The following ACOX1 variants were observed in gnomAD, a reference collection of about 807,000 sequenced individuals.
ACOX1 encodes peroxisomal acyl-coenzyme A oxidase 1.
A neutral mutation model predicts 75.5 loss-of-function variants in ACOX1; 41 were observed. The ratio of observed to expected loss-of-function variants is 0.54; its 90% CI spans 0.42 to 0.70. The LOEUF is 0.70. ACOX1 is among the 30% of genes least tolerant of loss of function. The probability of loss-of-function intolerance (pLI) is 0.00; values close to 1 mark genes in which losing one functional copy is unlikely to be tolerated. For missense variants in ACOX1, 630 were observed against 837.5 expected, an observed-to-expected ratio of 0.75 and a Z score of 3.06; for synonymous variants, 303 against 298.8, an observed-to-expected ratio of 1.01 and a Z score of -0.15.
In ACOX1 at chr17:75,960,475, T is replaced by C; in HGVS notation, c.270-100A>G. ...GCAAGGGAAGGAGACAAAAAAACCT[T>C]AAGTATGAATTAGTTGCGTGCACTT... is the stretch of plus-strand genomic sequence containing the variant. On this transcript the variant is annotated intron_variant, in intron 2 of 13. Transcript: ENST00000293217. This position sits in a 1 kb window ranked among gnomAD's most constrained non-coding sequence, Gnocchi z 4.4. 8.1e-7 allele frequency: 1 copy of C among 1,239,114 alleles called. No individual in the cohort carries two copies. The highest frequency in any genetic ancestry group is 1.5e-5 in the African/African-American group (1 of 67,404). 76.8% of individuals were successfully genotyped at this position (1,239,114 alleles called of 1,614,324 possible). A position where few individuals can be genotyped will look rare whatever the true frequency, so the allele number is the denominator to read the frequency against.
intron 13 of ACOX1, 81 bp from the exon 14 acceptor site, chr17:75,946,876 G>GTT (rs373022785): frequency 1.6e-4 from 190 of 1,200,938 alleles, no homozygotes; most frequent in African/African-American, 3.9e-4. Context: ...TTTTGTTTTT[G>GTT]TTTTTTTTTT....
At chr17:75,948,142 G>T in intron 13 of ACOX1, 109 bp downstream of exon 13, 1 of 1,096,604 alleles carries the variant, frequency 9.1e-7, no homozygotes, top group Non-Finnish European at 1.4e-6. Context: ...GTCAGAAGTG[G>T]CCATGGTACT....
chr17:75,973,583 G>T lies in ACOX1; in HGVS notation c.269+4951C>A, dbSNP rs754069633. 4 of 1,608,606 alleles carry T rather than the reference G, an allele frequency of 2.5e-6. No individual in the cohort carries two copies. In the Middle Eastern group the frequency reaches 5.0e-4, roughly 203 times the overall value. ...ATGCCAGCAATCACTGTTAACTGAT[G>T]TCCTGAGGTGGGTTACCCACAGACC... On this transcript the variant is annotated intron_variant, in intron 2 of 13. Coordinates refer to ENST00000293217, the MANE Select transcript of ACOX1 (RefSeq NM_004035.7).
In ACOX1 at chr17:75,978,082, C is replaced by CTTTATTTATTTA. The variant is rs149370934; in HGVS notation, c.269+440_269+451dup. 1.0e-3 allele frequency among the ~76,000 whole-genome samples: 152 copies of CTTTATTTATTTA among 151,514 alleles called. No homozygotes were observed. In the East Asian group the frequency reaches 0.01, roughly 10 times the overall value. On this transcript the variant is annotated intron_variant, in intron 2 of 13. Transcript: ENST00000293217. The surrounding 1 kb of genome is among the most constrained non-coding windows in gnomAD (Gnocchi z 4.2). ...ATCACATTATTTTTCACACATATAACTTTATTTATTTATTTATTTATTTAT... is the reference window on the plus strand; with the variant it reads ...ATCACATTATTTTTCACACATATAACTTTATTTATTTATTTATTTATTTATTTATTTATTTAT...
Position 75,979,058 on chromosome 17 carries a change from G to T in ACOX1, c.16C>A (p.Arg6Ser), listed in dbSNP as rs141670654. The change falls in exon 1 of 14, where the codon CGC becomes AGC. Residue 6 changes from arginine (R) to serine (S), a missense_variant. Transcript: ENST00000293217. MNPDL[R>S]RERDSASFNP... ...AAGCTGGCGGAATCCCGCTCCCTGC[G>T]CAGGTCCGGGTTCATGGCGACGACC... The T allele has an allele frequency of 1.5e-5, 24 of 1,611,836 alleles. No individual in the cohort carries two copies. The Middle Eastern group carries it at 4.9e-4, about 33-fold the overall frequency.
intron 2 of ACOX1, among the ~76,000 whole-genome samples, chr17:75,972,273 G>A (rs1835241265): frequency 6.8e-6 from 1 of 148,046 alleles, no homozygotes; most frequent in Admixed American, 6.8e-5. Flanking sequence ...CTTGCACCGA[G>A]CCGAGATGGC....
At chr17:75,953,266 G>A in intron 7 of ACOX1, 185 bp downstream of exon 7, 1 of 604,122 alleles carries the variant, frequency 1.7e-6, no homozygotes, top group Non-Finnish European at 2.9e-6. Flanking sequence ...TATAGCAAGG[G>A]TGGTTATTTC....
chr17:75,954,616 G>C (rs570355141), intron 6 of ACOX1, among the ~76,000 whole-genome samples: 23 of 137,208 alleles, frequency 1.7e-4, no homozygotes, highest in African/African-American at 5.7e-4. Context: ...GTATTGCCTA[G>C]GCTGGAGTGC....
Position 75,960,524 on chromosome 17 carries a change from C to T in ACOX1, c.270-149G>A. The T allele has an allele frequency of 2.5e-6, 2 of 805,664 alleles. No homozygotes were observed. The highest frequency in any genetic ancestry group is 5.3e-5 in the East Asian group (2 of 37,466). 49.9% of individuals were successfully genotyped at this position (805,664 alleles called of 1,614,324 possible). Reference sequence around the variant, plus strand: ...TTAATCATAGATGGGAGCACTGTCCCTTTCTGTATTACTTTATAGCTCTTG... The same window carrying T: ...TTAATCATAGATGGGAGCACTGTCCTTTTCTGTATTACTTTATAGCTCTTG... On this transcript the variant is annotated intron_variant, in intron 2 of 13. Coordinates refer to ENST00000293217, the MANE Select transcript of ACOX1 (RefSeq NM_004035.7). This position sits in a 1 kb window ranked among gnomAD's most constrained non-coding sequence, Gnocchi z 4.4.
rs2065711827 is a variant in ACOX1, at chr17:75,945,522, G to A, written c.*1226C>T. The A allele has an allele frequency of 6.5e-6, 1 of 152,720 alleles. No homozygotes were observed. The highest frequency in any genetic ancestry group is 2.1e-4 in the South Asian group (1 of 4,814). 9.5% of individuals were successfully genotyped at this position (152,720 alleles called of 1,614,324 possible). On this transcript the variant is annotated 3_prime_UTR_variant, in exon 14 of 14. Transcript: ENST00000293217. Reference sequence around the variant, plus strand: ...CTCAGGACTGATTCTAGAACAGCTGGTTTCATGAGGCATATGGCGTAGATT... The same window carrying A: ...CTCAGGACTGATTCTAGAACAGCTGATTTCATGAGGCATATGGCGTAGATT...
chr17:75,949,348 A>G lies in ACOX1; in HGVS notation c.1597T>C (p.Tyr533His). Residue 533 changes from tyrosine to histidine, a missense_variant, in exon 12 of 14, where the codon TAT (tyrosine) becomes CAT (histidine). Tyr to His is a moderately conservative substitution (Grantham distance 83, BLOSUM62 2). This residue lies in a region of ACOX1 where 240 missense variants were observed against 262.7 expected (regional missense o/e 0.91). Transcript: ENST00000293217. ...TCTGAAAAGAGCTTAACTACCACATAGTGGCAATGTGCCTAAGATTAAAAA... is the reference window on the plus strand; with the variant it reads ...TCTGAAAAGAGCTTAACTACCACATGGTGGCAATGTGCCTAAGATTAAAAA... Reference protein sequence around the residue: ...LVRASEAHCHYVVVKLFSEKL... With the variant: ...LVRASEAHCHHVVVKLFSEKL... The G allele has an allele frequency of 6.2e-7, 1 of 1,614,182 alleles. No individual in the cohort carries two copies. Among genetic ancestry groups the G allele is most frequent in the South Asian group, 1.1e-5 (1 of 91,080 alleles).
Position 75,946,544 on chromosome 17 carries a change from AG to A in ACOX1, c.*203del. The A allele has an allele frequency of 1.8e-6, 1 of 568,520 alleles. No homozygotes were observed. Among genetic ancestry groups the A allele is most frequent in the Non-Finnish European group, 3.2e-6 (1 of 315,458 alleles). The allele number at this position is 568,520 out of a possible 1,614,324, so 35.2% of individuals were successfully genotyped here. A position where few individuals can be genotyped will look rare whatever the true frequency, so the allele number is the denominator to read the frequency against. ...TTAAGCTTTTTCTGAATGGTTTAAC[AG>A]GTCTCTTTCAGTGTTAATTGCACTT... On this transcript the variant is annotated 3_prime_UTR_variant, in exon 14 of 14. Transcript: ENST00000293217.
At chr17:75,961,292 CAA>C (rs34895245) in intron 2 of ACOX1, among the ~76,000 whole-genome samples, 55 of 65,740 alleles carry the variant, frequency 8.4e-4, no homozygotes, top group African/African-American at 1.7e-3. Context: ...GACTCCATCT[CAA>C]AAAAAAAAAA....
At chr17:75,956,909 TCC>T (rs2065829051) in intron 4 of ACOX1, among the ~76,000 whole-genome samples, 1 of 32,104 alleles carries the variant, frequency 3.1e-5, no homozygotes, top group African/African-American at 8.5e-5. Flanking sequence ...TGCCTGGCTT[TCC>T]TCTCTCTCTC....
intron 7 of ACOX1, among the ~76,000 whole-genome samples, chr17:75,952,117 C>G (rs1038164962): frequency 1.8e-4 from 27 of 152,068 alleles, no homozygotes; most frequent in Non-Finnish European, 8.8e-5. Flanking sequence ...CATACAAAAC[C>G]AACGCTAGTC....
chr17:75,975,904 GAAGAGA>G (rs1410581534), intron 2 of ACOX1, among the ~76,000 whole-genome samples: 5 of 143,770 alleles, frequency 3.5e-5, no homozygotes, highest in African/African-American at 7.7e-5. Context: ...AAAGAAAGAG[GAAGAGA>G]AAGAGAAAGA....
chr17:75,949,852 C>T lies in ACOX1; in HGVS notation c.1344G>A (p.Val448=), dbSNP rs753969664. The T allele has an allele frequency of 3.1e-4, 507 of 1,614,112 alleles. 1 individual carries two copies. The highest frequency in any genetic ancestry group is 9.7e-4 in the Admixed American group (58 of 60,002). Residue 448 remains valine (V), a synonymous_variant, in exon 10 of 14, where the codon GTG becomes GTA. Transcript: ENST00000293217. ...SYDQVHSGKL[V]CGMVSYLNDL... Reference sequence around the variant, plus strand: ...CGTTCAAATAGGACACCATGCCACACACCAACTTTCCTGAGTGCACCTGAT... The same window carrying T: ...CGTTCAAATAGGACACCATGCCACATACCAACTTTCCTGAGTGCACCTGAT...
intron 12 of ACOX1, 124 bp downstream of exon 12, chr17:75,949,093 T>G (rs926327143): frequency 1.1e-5 from 12 of 1,105,240 alleles, no homozygotes; most frequent in Non-Finnish European, 1.6e-5. Context: ...TGACCTCAAG[T>G]GATCACCGTA....
At chr17:75,953,364 T>C (rs1016395883) in intron 7 of ACOX1, 87 bp downstream of exon 7, 46 of 1,506,300 alleles carry the variant, frequency 3.1e-5, no homozygotes, top group Non-Finnish European at 3.9e-5. Context: ...TAATGCATCT[T>C]CTGTATTGAC....
Sources: gnomAD v4.1 joint callset for allele counts (sites outside exome capture counted in the v4.1 genomes callset) on GRCh38, gnomAD v4.1.1 for gene constraint, gnomAD v4.1.1 regional missense constraint, Gnocchi (gnomAD v3.1) non-coding constraint, MANE v1.5 for transcripts, NCBI Gene and HGNC (gene_info 2026-07-23, HGNC 2026-07-21) for gene names.